LTBP1: variants seen among roughly 807,000 people sequenced by gnomAD.
LTBP1 encodes latent-transforming growth factor beta-binding protein 1.
In LTBP1, 129 loss-of-function variants were observed where a neutral mutation model predicts 207.6. The ratio of observed to expected loss-of-function variants is 0.62; its 90% CI spans 0.54 to 0.72. The LOEUF is 0.72. Ranked by LOEUF, LTBP1 falls within the 30% of genes least tolerant of loss-of-function variation. LTBP1 has a pLI of 0.00. For missense variants in LTBP1, 2,281 were observed against 2,217.2 expected, an observed-to-expected ratio of 1.03 and a Z score of -0.58; for synonymous variants, 963 against 833.7, an observed-to-expected ratio of 1.16 and a Z score of -2.67.
chr2:33,189,758 G>T (rs2087631025), intron 7 of LTBP1, among the ~76,000 whole-genome samples: 2 of 152,102 alleles, frequency 1.3e-5, no homozygotes, highest in Non-Finnish European at 2.9e-5. Flanking sequence ...GGGTGCTGTG[G>T]CTCATGCCTA....
At position 33,216,829 on chromosome 2, in the gene LTBP1, T is replaced by C. The variant is rs141997370; in HGVS notation, c.1702-723T>C. 1.8e-4 allele frequency among the ~76,000 whole-genome samples: 28 copies of C among 152,324 alleles called. No individual in the cohort carries two copies. In the East Asian group the frequency reaches 5.2e-3, roughly 28 times the overall value. Reference sequence around the variant, plus strand: ...CAGGCCCCTGCCTCTCAGCTTTTTCTCACTTCCTGTGGTTGACCAGGAGTC... The same window carrying C: ...CAGGCCCCTGCCTCTCAGCTTTTTCCCACTTCCTGTGGTTGACCAGGAGTC... On this transcript the variant is annotated intron_variant, in intron 7 of 33. Transcript: ENST00000404816.
At chr2:33,158,594 GGAAGT>G (rs1336539853) in intron 5 of LTBP1, among the ~76,000 whole-genome samples, 1 of 144,050 alleles carries the variant, frequency 6.9e-6, no homozygotes, top group Non-Finnish European at 1.5e-5. Flanking sequence ...ATCATGCAAA[GGAAGT>G]AGAGTAATAA....
At chr2:33,370,571 A>G (rs909064738) in intron 31 of LTBP1, among the ~76,000 whole-genome samples, 2 of 152,216 alleles carry the variant, frequency 1.3e-5, no homozygotes, top group African/African-American at 2.4e-5. Context: ...GTTAAAACCT[A>G]CGTTAATGCT....
chr2:33,235,513 G>T (rs2091998289), intron 9 of LTBP1, among the ~76,000 whole-genome samples: 1 of 152,148 alleles, frequency 6.6e-6, no homozygotes, highest in African/African-American at 2.4e-5. Context: ...TAAGGATCTG[G>T]ATCCAGAAAT....
chr2:33,358,875 A>G (rs1395523541), intron 26 of LTBP1, among the ~76,000 whole-genome samples: 1 of 152,202 alleles, frequency 6.6e-6, no homozygotes, highest in Non-Finnish European at 1.5e-5. Flanking sequence ...TTTCCTAAGT[A>G]ATTCCATGTC....
chr2:32,973,144 G>A (rs1017763514), intron 2 of LTBP1, among the ~76,000 whole-genome samples: 3 of 152,112 alleles, frequency 2.0e-5, no homozygotes, highest in African/African-American at 7.2e-5. Flanking sequence ...TTCTGTGGAT[G>A]TCTGTTAGGT....
At chr2:33,293,127 T>A (rs772143320) in intron 19 of LTBP1, 33 bp from the exon 20 acceptor site, 5 of 1,597,740 alleles carry the variant, frequency 3.1e-6, no homozygotes, top group South Asian at 1.1e-5. Flanking sequence ...TTTCTTCTTT[T>A]TTTGTTCTTT....
chr2:32,992,150 C>T (rs1684514183), intron 2 of LTBP1, among the ~76,000 whole-genome samples: 1 of 152,168 alleles, frequency 6.6e-6, no homozygotes, highest in Admixed American at 6.5e-5. Flanking sequence ...GTCCTCAGTG[C>T]CTGGGTGGGA....
At chr2:33,109,133 G>A (rs1201772196) in intron 3 of LTBP1, among the ~76,000 whole-genome samples, 1 of 152,206 alleles carries the variant, frequency 6.6e-6, no homozygotes, top group Non-Finnish European at 1.5e-5. Context: ...TATCTCTCAT[G>A]AATGCCTTTT....
At chr2:33,111,423 GAC>G (rs903877152) in intron 4 of LTBP1, among the ~76,000 whole-genome samples, 1 of 152,214 alleles carries the variant, frequency 6.6e-6, no homozygotes, top group Non-Finnish European at 1.5e-5. Context: ...GCGAGAGCTA[GAC>G]ACACGCTCTC....
intron 5 of LTBP1, among the ~76,000 whole-genome samples, chr2:33,163,430 G>C (rs796122310): frequency 2.0e-4 from 30 of 152,324 alleles, no homozygotes; most frequent in African/African-American, 7.0e-4. Flanking sequence ...TGGCAGAACT[G>C]TTCAGTCTTT....
At chr2:32,970,993 C>T (rs1254916960) in intron 2 of LTBP1, among the ~76,000 whole-genome samples, 3 of 132,564 alleles carry the variant, frequency 2.3e-5, no homozygotes, top group African/African-American at 5.7e-5. Flanking sequence ...TAGCTGTATT[C>T]CTAGGTATTT....
At chr2:33,233,222 A>G (rs2091883646) in intron 9 of LTBP1, among the ~76,000 whole-genome samples, 1 of 151,972 alleles carries the variant, frequency 6.6e-6, no homozygotes. Context: ...TTGTCTTTTT[A>G]TTCTCTTTTT....
chr2:33,169,063 C>T (rs893863731), intron 5 of LTBP1, among the ~76,000 whole-genome samples: 4 of 152,160 alleles, frequency 2.6e-5, no homozygotes, highest in Admixed American at 2.6e-4. Flanking sequence ...TGTAGTCGGG[C>T]CTTGCAGATT....
chr2:33,068,957 A>T (rs1169873134), intron 3 of LTBP1, among the ~76,000 whole-genome samples: 1 of 152,226 alleles, frequency 6.6e-6, no homozygotes. Flanking sequence ...ATGTTTAACT[A>T]TTCTAACCAT....
intron 25 of LTBP1, among the ~76,000 whole-genome samples, chr2:33,345,598 A>G (rs1163173020): frequency 1.3e-5 from 2 of 152,222 alleles, no homozygotes; most frequent in Admixed American, 6.5e-5. Flanking sequence ...ACTCTGCTTT[A>G]TGTTATGGTA....
intron 3 of LTBP1, among the ~76,000 whole-genome samples, chr2:33,023,101 A>T (rs1360891478): frequency 1.3e-5 from 2 of 152,208 alleles, no homozygotes; most frequent in African/African-American, 4.8e-5. Context: ...TGATTATATC[A>T]TAGCTAGACA....
At chr2:33,070,448 A>G (rs936147736) in intron 3 of LTBP1, among the ~76,000 whole-genome samples, 4 of 152,182 alleles carry the variant, frequency 2.6e-5, no homozygotes, top group African/African-American at 9.7e-5. Context: ...CATCACTTCA[A>G]CTGTGGCTGG....
intron 7 of LTBP1, 58 bp from the exon 8 acceptor site, chr2:33,217,494 C>G (rs2090798429): frequency 8.3e-7 from 1 of 1,211,756 alleles, no homozygotes; most frequent in Non-Finnish European, 1.2e-6. Context: ...CAGCAGTGCT[C>G]TGGGGCTGGG....
Sources: allele counts gnomAD v4.1 joint callset (sites outside exome capture counted in the v4.1 genomes callset), GRCh38; gene constraint gnomAD v4.1.1; transcripts MANE v1.5; gene names NCBI Gene and HGNC (gene_info 2026-07-23, HGNC 2026-07-21).